The following VEZT variants were observed in gnomAD, a reference collection of about 807,000 sequenced individuals.
The protein encoded by VEZT is vezatin, adherens junctions transmembrane protein, also known as vezatin.
In VEZT, 39 loss-of-function variants were observed where a neutral mutation model predicts 79.9. The ratio of observed to expected loss-of-function variants is 0.49; its 90% CI spans 0.38 to 0.64. The LOEUF (loss-of-function observed/expected upper bound fraction) is 0.64. Among genes scored for constraint, VEZT ranks in the 30% least tolerant of loss-of-function variants. VEZT has a pLI of 0.00. For synonymous variants in VEZT, 325 were observed against 327.6 expected (o/e 0.99, Z 0.09); for missense variants, 837 against 893.1 (o/e 0.94, Z 0.80).
intron 1 of VEZT, among the ~76,000 whole-genome samples, chr12:95,245,006 G>A (rs867522919): frequency 6.6e-5 from 10 of 152,108 alleles, no homozygotes; most frequent in African/African-American, 2.4e-4. Flanking sequence ...TCTGAGATGG[G>A]CGGATCATTT....
chr12:95,292,847 C>CTTTTTT (rs1204643991), intron 9 of VEZT, among the ~76,000 whole-genome samples: 2 of 96,480 alleles, frequency 2.1e-5, no homozygotes, highest in African/African-American at 4.6e-5. Context: ...GTACCTGGCC[C>CTTTTTT]TTTTTTTTTT....
At chr12:95,289,427 A>AAAAAAAAAAAAAAAAAAAAAAAAAAAAC (rs2072074940) in intron 9 of VEZT, among the ~76,000 whole-genome samples, 1 of 147,998 alleles carries the variant, frequency 6.8e-6, no homozygotes. Flanking sequence ...CAAAAAAAAA[A>AAAAAAAAAAAAAAAAAAAAAAAAAAAAC]AAAAAAAAAA....
chr12:95,222,384 C>T (rs2057754290), intron 1 of VEZT, among the ~76,000 whole-genome samples: 1 of 152,144 alleles, frequency 6.6e-6, no homozygotes, highest in Admixed American at 6.5e-5. Flanking sequence ...TGACCTGGCA[C>T]CATTTACTGA....
intron 9 of VEZT, among the ~76,000 whole-genome samples, chr12:95,292,908 T>C (rs927206663): frequency 1.4e-5 from 2 of 140,190 alleles, no homozygotes; most frequent in Non-Finnish European, 3.0e-5. Flanking sequence ...TGGAGTGTAA[T>C]GATGCAATCT....
chr12:95,263,958 G>A (rs2065025685), intron 4 of VEZT, among the ~76,000 whole-genome samples: 1 of 152,152 alleles, frequency 6.6e-6, no homozygotes, highest in South Asian at 2.1e-4. Flanking sequence ...AAAAGAATGT[G>A]TAGCAAAAAG....
At chr12:95,243,408 G>GCTTCAT (rs960527730) in intron 1 of VEZT, among the ~76,000 whole-genome samples, 12 of 148,956 alleles carry the variant, frequency 8.1e-5, no homozygotes, top group African/African-American at 2.7e-4. Flanking sequence ...CTCAGCTTCA[G>GCTTCAT]CTTCAGCTTC....
chr12:95,265,966 T>C (rs2065452497), intron 4 of VEZT, among the ~76,000 whole-genome samples: 3 of 152,272 alleles, frequency 2.0e-5, no homozygotes, highest in Middle Eastern at 3.4e-3. Flanking sequence ...CTGCAGGCGA[T>C]GGGTGGTATT....
chr12:95,235,290 C>G (rs1593167954), intron 1 of VEZT, among the ~76,000 whole-genome samples: 1 of 135,518 alleles, frequency 7.4e-6, no homozygotes, highest in African/African-American at 2.8e-5. Context: ...CGGGGGCTGA[C>G]CCCCACCCAC....
At chr12:95,218,619 T>A (rs2057082622) in intron 1 of VEZT, 1 of 152,240 alleles carries the variant, frequency 6.6e-6, no homozygotes, top group Admixed American at 6.5e-5. Flanking sequence ...CCCCTGTACG[T>A]ATGTGTATTG....
At chr12:95,277,677 C>T (rs2139092775) in intron 7 of VEZT, among the ~76,000 whole-genome samples, 1 of 152,262 alleles carries the variant, frequency 6.6e-6, no homozygotes, top group East Asian at 1.9e-4. Context: ...GACTGACTAG[C>T]CATTTGCCTT....
At chr12:95,270,418 A>T (rs2066368395) in intron 6 of VEZT, among the ~76,000 whole-genome samples, 1 of 152,186 alleles carries the variant, frequency 6.6e-6, no homozygotes, top group South Asian at 2.1e-4. Flanking sequence ...CAAGGAAAAA[A>T]CTTGAAGTCT....
intron 1 of VEZT, among the ~76,000 whole-genome samples, chr12:95,231,246 T>A (rs2059234977): frequency 6.6e-6 from 1 of 152,204 alleles, no homozygotes; most frequent in South Asian, 2.1e-4. Context: ...ACTAAAAACA[T>A]CCTTTGAAGG....
At chr12:95,252,338 G>C (rs189255225) in intron 2 of VEZT, 1 of 243,680 alleles carries the variant, frequency 4.1e-6, no homozygotes, top group Non-Finnish European at 7.7e-6. Flanking sequence ...AAACAGAATC[G>C]AAAAAAATAT....
At chr12:95,279,992 A>G (rs994250348) in intron 7 of VEZT, among the ~76,000 whole-genome samples, 4 of 152,132 alleles carry the variant, frequency 2.6e-5, no homozygotes, top group Non-Finnish European at 5.9e-5. Flanking sequence ...CTCAATACCA[A>G]TCAGTCAAGA....
At chr12:95,240,996 G>A (rs779347451) in intron 1 of VEZT, among the ~76,000 whole-genome samples, 3 of 151,834 alleles carry the variant, frequency 2.0e-5, no homozygotes, top group Non-Finnish European at 2.9e-5. Flanking sequence ...TACCAGTAGC[G>A]CTGCTCACAT....
chr12:95,278,041 C>A (rs188521272), intron 7 of VEZT, among the ~76,000 whole-genome samples: 1 of 152,288 alleles, frequency 6.6e-6, no homozygotes, highest in Admixed American at 6.5e-5. Context: ...TCAGATTTTC[C>A]AGGTTTCACT....
chr12:95,300,677 C>T lies in VEZT; in HGVS notation c.*4C>T. 5 of 1,573,290 alleles carry T rather than the reference C, an allele frequency of 3.2e-6. No homozygotes were observed. Among genetic ancestry groups the T allele is most frequent in the Non-Finnish European group, 4.3e-6 (5 of 1,160,218 alleles). Reference sequence around the variant, plus strand: ...AAATGAGATAGAAGAAAAGTAAGAACCAAGATTCATATGAAGTGATATTAG... The same window carrying T: ...AAATGAGATAGAAGAAAAGTAAGAATCAAGATTCATATGAAGTGATATTAG... On this transcript the variant is annotated 3_prime_UTR_variant, in exon 12 of 12. Transcript: ENST00000436874.
At chr12:95,266,332 C>A (rs375201050) in intron 4 of VEZT, 25 bp from the exon 5 acceptor site, 2 of 1,590,690 alleles carry the variant, frequency 1.3e-6, no homozygotes, top group Admixed American at 1.7e-5. Context: ...TGATGCATAT[C>A]ATTTTCTTCC....
chr12:95,233,091 C>T (rs1415302809), intron 1 of VEZT, among the ~76,000 whole-genome samples: 1 of 152,146 alleles, frequency 6.6e-6, no homozygotes, highest in South Asian at 2.1e-4. Flanking sequence ...TAGGGGTGAG[C>T]CACTGCATCC....
Sources: gnomAD v4.1 joint callset for allele counts (sites outside exome capture counted in the v4.1 genomes callset) on GRCh38, gnomAD v4.1.1 for gene constraint, MANE v1.5 for transcripts, NCBI Gene and HGNC (gene_info 2026-07-23, HGNC 2026-07-21) for gene names.